UBE2Z: variants seen among roughly 807,000 people sequenced by gnomAD.
UBE2Z encodes ubiquitin-conjugating enzyme E2 Z.
Under a neutral mutation model 32.6 loss-of-function variants are expected in UBE2Z, and 10 were observed. That is an observed-to-expected ratio of 0.31 (90% CI 0.19 to 0.52). UBE2Z has a LOEUF of 0.52. Ranked by LOEUF, UBE2Z falls within the 20% of genes least tolerant of loss-of-function variation. The probability of loss-of-function intolerance (pLI) is 0.97; values close to 1 mark genes in which losing one functional copy is unlikely to be tolerated. For missense variants in UBE2Z, 343 were observed against 480.9 expected (o/e 0.71, Z 2.68); for synonymous variants, 183 against 190.8 (o/e 0.96, Z 0.34).
intron 6 of UBE2Z, among the ~76,000 whole-genome samples, chr17:48,923,792 G>T (rs193078744): frequency 2.6e-5 from 4 of 150,956 alleles, no homozygotes; most frequent in Admixed American, 2.0e-4. Context: ...GAGTGCAGTA[G>T]CTGGGTCACA....
chr17:48,915,736 G>A (rs895172795), intron 3 of UBE2Z: 4 of 240,538 alleles, frequency 1.7e-5, no homozygotes, highest in Non-Finnish European at 2.4e-5. Flanking sequence ...TGAGATCCAC[G>A]GAGATTAACA....
chr17:48,926,865 A>G (rs1272625848), intron 6 of UBE2Z, 99 bp from the exon 7 acceptor site: 11 of 1,350,930 alleles, frequency 8.1e-6, no homozygotes, highest in Non-Finnish European at 1.1e-5. Context: ...CCCATGGCTC[A>G]GAAGTTGAGC....
chr17:48,913,120 C>A, intron 3 of UBE2Z, 99 bp downstream of exon 3: 1 of 1,202,524 alleles, frequency 8.3e-7, no homozygotes, highest in Non-Finnish European at 1.2e-6. Context: ...CTACAGAACA[C>A]AGAAAATGAT....
In UBE2Z at chr17:48,922,851, G is replaced by A. The variant is rs1171116797; in HGVS notation, c.808G>A (p.Val270Met). Residue 270 changes from valine (V) to methionine (M), a missense_variant, in exon 6 of 7, where the codon GTG (valine) becomes ATG (methionine). Coordinates refer to ENST00000360943, the MANE Select transcript of UBE2Z (RefSeq NM_023079.5). The stretch of plus-strand genomic sequence containing the variant: ...ACTTTTCTGCTTGTTTTCCAGAGGG[G>A]TGATGGAGAAGTCCTTTCTGGAGTA... ...KCPCPEPLRG[V>M]MEKSFLEYYD... 1.9e-6 allele frequency: 3 copies of A among 1,611,404 alleles called. No individual in the cohort carries two copies. Among genetic ancestry groups the A allele is most frequent in the Non-Finnish European group, 1.7e-6 (2 of 1,178,010 alleles).
At chr17:48,910,754 C>T (rs1157694956) in intron 1 of UBE2Z, 54 bp from the exon 2 acceptor site, 4 of 1,378,448 alleles carry the variant, frequency 2.9e-6, no homozygotes, top group Non-Finnish European at 4.1e-6. Context: ...CAAGGGATTC[C>T]CCCTTTCCCC....
intron 4 of UBE2Z, among the ~76,000 whole-genome samples, chr17:48,917,060 A>G (rs548372365): frequency 6.6e-6 from 1 of 152,130 alleles, no homozygotes; most frequent in Admixed American, 6.6e-5. Flanking sequence ...TAATCCCAGC[A>G]CTTTGGGAGG....
chr17:48,908,541 G>C lies in UBE2Z; in HGVS notation c.38G>C (p.Gly13Ala), dbSNP rs2040646385. ...CCGACTGAGGAGGCGGCAACGGCGG[G>C]CGCCGGGGCGGCGGGCCCCGGGGCG... is the stretch of plus-strand genomic sequence containing the variant. Reference protein sequence around the residue: ...ESPTEEAATAGAGAAGPGASS... With the variant: ...ESPTEEAATAAAGAAGPGASS... The change falls in exon 1 of 7, where the codon GGC becomes GCC. Residue 13 changes from glycine (G) to alanine (A), a missense_variant. Physicochemically the swap from Gly to Ala is moderately conservative, Grantham distance 60 (BLOSUM62 0). Transcript: ENST00000360943. 8.1e-7 allele frequency: 1 copy of C among 1,236,546 alleles called. No homozygotes were observed. The highest frequency in any genetic ancestry group is 1.0e-6 in the Non-Finnish European group (1 of 988,672). The allele number at this position is 1,236,546 out of a possible 1,614,324, so 76.6% of individuals were successfully genotyped here. A position where few individuals can be genotyped will look rare whatever the true frequency, so the allele number is the denominator to read the frequency against.
intron 6 of UBE2Z, among the ~76,000 whole-genome samples, chr17:48,924,862 A>AAG (rs2040787106): frequency 6.6e-6 from 1 of 151,418 alleles, no homozygotes; most frequent in Non-Finnish European, 1.5e-5. Flanking sequence ...AAAAAAAAAA[A>AAG]AAAGACAAAA....
chr17:48,920,505 TAATAAAA>T (rs2040751793), intron 4 of UBE2Z, among the ~76,000 whole-genome samples: 1 of 150,608 alleles, frequency 6.6e-6, no homozygotes, highest in African/African-American at 2.4e-5. Flanking sequence ...AACAAATAAA[TAATAAAA>T]AATAAAAACT....
chr17:48,920,421 C>T (rs571254665), intron 4 of UBE2Z, among the ~76,000 whole-genome samples: 1 of 152,196 alleles, frequency 6.6e-6, no homozygotes, highest in Non-Finnish European at 1.5e-5. Flanking sequence ...CGCTTGAACC[C>T]AGGAGGCGGA....
intron 3 of UBE2Z, among the ~76,000 whole-genome samples, chr17:48,914,244 T>C (rs1234059971): frequency 2.0e-5 from 3 of 152,210 alleles, no homozygotes; most frequent in African/African-American, 7.2e-5. Context: ...TGAACTTCTC[T>C]GGGACAGAGA....
At chr17:48,916,586 T>TTTTTTG (rs2040721802) in intron 4 of UBE2Z, among the ~76,000 whole-genome samples, 1 of 148,930 alleles carries the variant, frequency 6.7e-6, no homozygotes, top group African/African-American at 2.5e-5. Context: ...TGGGAGGTTT[T>TTTTTTG]TTTTGTTTTG....
intron 4 of UBE2Z, among the ~76,000 whole-genome samples, chr17:48,920,917 A>T (rs1439751602): frequency 6.6e-6 from 1 of 151,936 alleles, no homozygotes; most frequent in Non-Finnish European, 1.5e-5. Context: ...AATATGATGG[A>T]TCTAGTTTGC....
At chr17:48,916,704 C>T (rs1381114033) in intron 4 of UBE2Z, among the ~76,000 whole-genome samples, 1 of 151,530 alleles carries the variant, frequency 6.6e-6, no homozygotes, top group Non-Finnish European at 1.5e-5. Context: ...AATTTTTTGC[C>T]GACCACTGTG....
chr17:48,918,850 G>A (rs1010066249), intron 4 of UBE2Z, among the ~76,000 whole-genome samples: 4 of 148,542 alleles, frequency 2.7e-5, no homozygotes, highest in East Asian at 2.1e-4. Flanking sequence ...AGGTTCAAGC[G>A]ATTCTAGTAC....
rs1451149570 is a variant in UBE2Z at position 48,922,493 on chromosome 17, G to A, written c.804-354G>A. Among the ~76,000 whole-genome samples, 7 of 152,280 alleles carry A rather than the reference G, an allele frequency of 4.6e-5. No individual in the cohort carries two copies. In the East Asian group the frequency reaches 1.4e-3, roughly 29 times the overall value. ...CATTAAGGTTAGGTAAAGAGGCCAG[G>A]TGTGGTGGCTTGCGCCTGTAGTCCT... On this transcript the variant is annotated intron_variant, in intron 5 of 6. Coordinates refer to ENST00000360943, the MANE Select transcript of UBE2Z (RefSeq NM_023079.5).
chr17:48,922,928 A>G lies in UBE2Z; in HGVS notation c.885A>G (p.Gln295=), dbSNP rs758675116. Residue 295 remains glutamine (Q), a synonymous_variant, in exon 6 of 7, where the codon CAA becomes CAG. Transcript: ENST00000360943. The part of the protein sequence containing the change: ...ACKDRLHLQG[Q]TMQDPFGEKR... ...AAGATCGCCTGCACCTTCAAGGCCA[A>G]ACTATGCAGGTAATACAACCCCTGC... 1.2e-6 allele frequency: 2 copies of G among 1,611,540 alleles called. No individual in the cohort carries two copies. The highest frequency in any genetic ancestry group is 1.3e-5 in the African/African-American group (1 of 74,876).
intron 5 of UBE2Z, among the ~76,000 whole-genome samples, chr17:48,922,232 C>T (rs1238851570): frequency 1.3e-5 from 2 of 151,720 alleles, no homozygotes; most frequent in Non-Finnish European, 2.9e-5. Flanking sequence ...ACTAAAAATA[C>T]AAAAATTACC....
chr17:48,908,858 G>A (rs755110534), intron 1 of UBE2Z, 38 bp downstream of exon 1: 8 of 1,429,646 alleles, frequency 5.6e-6, no homozygotes, highest in African/African-American at 3.0e-5. Context: ...CCCGAGCTCC[G>A]GGGCTCGACC....
Sources: gnomAD v4.1 joint callset for allele counts (sites outside exome capture counted in the v4.1 genomes callset) on GRCh38, gnomAD v4.1.1 for gene constraint, MANE v1.5 for transcripts, NCBI Gene and HGNC (gene_info 2026-07-23, HGNC 2026-07-21) for gene names.